Variants in RAB5A observed in about 807,000 individuals in gnomAD.
The protein encoded by RAB5A is ras-related protein Rab-5A.
RAB5A carries 8 observed loss-of-function variants against 25.7 expected under a neutral mutation model. The ratio of observed to expected loss-of-function variants is 0.31; its 90% CI spans 0.18 to 0.56. RAB5A has a LOEUF of 0.56. RAB5A is among the 20% of genes least tolerant of loss of function. The probability of loss-of-function intolerance (pLI) is 0.91; values close to 1 mark genes in which losing one functional copy is unlikely to be tolerated. For synonymous variants in RAB5A, 98 were observed against 89.8 expected, an observed-to-expected ratio of 1.09 and a Z score of -0.52; for missense variants, 192 against 259.7, an observed-to-expected ratio of 0.74 and a Z score of 1.79.
intron 4 of RAB5A, among the ~76,000 whole-genome samples, chr3:19,977,728 T>C (rs1180258057): frequency 1.3e-5 from 2 of 152,188 alleles, no homozygotes; most frequent in African/African-American, 2.4e-5. Flanking sequence ...GGAAAGATCA[T>C]TGGTTACCCC....
intron 2 of RAB5A, among the ~76,000 whole-genome samples, chr3:19,973,750 CA>C (rs1196567810): frequency 6.6e-6 from 1 of 152,006 alleles, no homozygotes; most frequent in Non-Finnish European, 1.5e-5. Context: ...GTATTGTTTG[CA>C]AAATTCAGAA....
chr3:19,966,700 C>G (rs757803545), intron 2 of RAB5A, among the ~76,000 whole-genome samples: 3 of 152,172 alleles, frequency 2.0e-5, no homozygotes, highest in Non-Finnish European at 2.9e-5. Context: ...TTGATCATAG[C>G]CATTCTAGTG....
At chr3:19,950,729 T>C in intron 1 of RAB5A, 77 bp from the exon 2 acceptor site, 1 of 585,148 alleles carries the variant, frequency 1.7e-6, no homozygotes, top group Non-Finnish European at 2.9e-6. Context: ...AATCATGCTA[T>C]AGGCAATATT....
intron 2 of RAB5A, among the ~76,000 whole-genome samples, chr3:19,952,750 A>AT (rs145938707): frequency 0.16 from 23,466 of 150,224 alleles, 1,979 homozygotes; most frequent in Non-Finnish European, 0.21. Flanking sequence ...CATCTTTGTG[A>AT]TTTTTTTTTT....
intron 2 of RAB5A, among the ~76,000 whole-genome samples, chr3:19,972,896 G>T (rs1000008923): frequency 2.6e-5 from 4 of 152,024 alleles, no homozygotes; most frequent in Admixed American, 1.3e-4. Context: ...TAATACAGTT[G>T]GCCCTCTGAA....
intron 2 of RAB5A, among the ~76,000 whole-genome samples, chr3:19,961,712 C>G (rs533848716): frequency 6.6e-6 from 1 of 152,264 alleles, no homozygotes; most frequent in East Asian, 1.9e-4. Context: ...AAATCTCCCC[C>G]TCATCTTCTA....
chr3:19,965,219 G>GC (rs977221498), intron 2 of RAB5A, among the ~76,000 whole-genome samples: 3 of 152,148 alleles, frequency 2.0e-5, no homozygotes, highest in African/African-American at 4.8e-5. Flanking sequence ...ACTGTGCCCG[G>GC]CCCTAAGATT....
rs535491947 is a variant in RAB5A at position 19,953,726 on chromosome 3, T to C, written c.163+2665T>C. 3.9e-5 allele frequency among the ~76,000 whole-genome samples: 6 copies of C among 152,234 alleles called. 1 individual carries two copies. Among genetic ancestry groups the C allele is most frequent in the African/African-American group, 1.4e-4 (6 of 41,552 alleles). ...CCTGGCCCAACTTTCTGTTAATCTT[T>C]ATTGGATACTTTTTCACTGTGCTGA... On this transcript the variant is annotated intron_variant, in intron 2 of 5. Coordinates refer to ENST00000273047, the MANE Select transcript of RAB5A (RefSeq NM_004162.5).
chr3:19,984,079 A>G lies in RAB5A; in HGVS notation c.*256A>G. ...TTGTTTCATTGGAAGGTTAGGGGGA[A>G]TAATTTCTCATCACTAGGAATATAG... On this transcript the variant is annotated 3_prime_UTR_variant, in exon 6 of 6. Transcript: ENST00000273047. 1 of 425,662 alleles carries G rather than the reference A, an allele frequency of 2.3e-6. No homozygotes were observed. Among genetic ancestry groups the G allele is most frequent in the Non-Finnish European group, 4.3e-6 (1 of 230,704 alleles). 26.4% of individuals were successfully genotyped at this position (425,662 alleles called of 1,614,324 possible).
intron 3 of RAB5A, 25 bp downstream of exon 3, chr3:19,975,777 AAAACT>A: frequency 1.3e-6 from 2 of 1,577,234 alleles, no homozygotes; most frequent in Non-Finnish European, 1.7e-6. Context: ...ATTCCACAGT[AAAACT>A]AATTTGAGTA....
At chr3:19,972,500 T>C (rs989478999) in intron 2 of RAB5A, among the ~76,000 whole-genome samples, 1 of 152,062 alleles carries the variant, frequency 6.6e-6, no homozygotes, top group Non-Finnish European at 1.5e-5. Context: ...AGTTGAGGAA[T>C]GAATTGATTA....
intron 2 of RAB5A, among the ~76,000 whole-genome samples, chr3:19,952,157 C>T (rs1696433709): frequency 6.6e-6 from 1 of 152,022 alleles, no homozygotes; most frequent in Non-Finnish European, 1.5e-5. Context: ...CTAGCCTGGG[C>T]AACATAATGA....
rs1266711210 is a variant in RAB5A, at chr3:19,947,515, G to A, written c.-100G>A. 1 of 152,796 alleles carries A rather than the reference G, an allele frequency of 6.5e-6. No individual in the cohort carries two copies. 9.5% of individuals were successfully genotyped at this position (152,796 alleles called of 1,614,324 possible). A position where few individuals can be genotyped will look rare whatever the true frequency, so the allele number is the denominator to read the frequency against. On this transcript the variant is annotated 5_prime_UTR_variant, in exon 1 of 6. Transcript: ENST00000273047. Reference sequence around the variant, plus strand: ...CGGCCCCGCAGCTCGGCTTGCTGCGGTCTCAGGTAACCGAACCGCCCCTCC... The same window carrying A: ...CGGCCCCGCAGCTCGGCTTGCTGCGATCTCAGGTAACCGAACCGCCCCTCC...
At position 19,954,831 on chromosome 3, in the gene RAB5A, A is replaced by G. The variant is rs142454146; in HGVS notation, c.163+3770A>G. Among the ~76,000 whole-genome samples the G allele has an allele frequency of 4.9e-3, 749 of 152,206 alleles. 3 individuals are homozygous for G. Among genetic ancestry groups the G allele is most frequent in the Non-Finnish European group, 7.7e-3 (527 of 68,010 alleles). On this transcript the variant is annotated intron_variant, in intron 2 of 5. Coordinates refer to ENST00000273047, the MANE Select transcript of RAB5A (RefSeq NM_004162.5). Reference sequence around the variant, plus strand: ...AACCCTGTCTCAAAAACAAAACAAAACAAAGAATCCCTGTTGCCTCACCAT... The same window carrying G: ...AACCCTGTCTCAAAAACAAAACAAAGCAAAGAATCCCTGTTGCCTCACCAT...
Position 19,976,062 on chromosome 3 carries a change from G to A in RAB5A, c.331G>A (p.Ala111Thr), listed in dbSNP as rs1184774975. The change falls in exon 4 of 6, where the codon GCA becomes ACA. Residue 111 changes from alanine to threonine, a missense_variant. Physicochemically the swap from Ala to Thr is moderately conservative, Grantham distance 58. Around this residue, in one of 3 missense-constraint regions of RAB5A, gnomAD observed 121 missense variants for 135.7 expected, o/e 0.89. Transcript: ENST00000273047. ...DITNEESFAR[A>T]KNWVKELQRQ... ...TGTTTAACAGGAGTCCTTTGCAAGA[G>A]CAAAAAATTGGGTTAAAGAACTTCA... 6.2e-7 allele frequency: 1 copy of A among 1,611,222 alleles called. No homozygotes were observed. The highest frequency in any genetic ancestry group is 8.5e-7 in the Non-Finnish European group (1 of 1,179,262).
chr3:19,948,721 A>T (rs1238774583), intron 1 of RAB5A, among the ~76,000 whole-genome samples: 1 of 152,024 alleles, frequency 6.6e-6, no homozygotes, highest in Non-Finnish European at 1.5e-5. Flanking sequence ...TTAAAAGTCA[A>T]AGTGAAATCA....
chr3:19,971,887 C>T (rs1243996736), intron 2 of RAB5A, among the ~76,000 whole-genome samples: 2 of 152,196 alleles, frequency 1.3e-5, no homozygotes, highest in African/African-American at 2.4e-5. Flanking sequence ...AGCTGCCTCT[C>T]TCTACATTCA....
At chr3:19,964,821 G>A (rs1465654525) in intron 2 of RAB5A, among the ~76,000 whole-genome samples, 3 of 151,666 alleles carry the variant, frequency 2.0e-5, no homozygotes, top group African/African-American at 4.8e-5. Flanking sequence ...CATGTTGGCC[G>A]GGCTGGTCTT....
chr3:19,978,422 T>C lies in RAB5A; in HGVS notation c.532+19T>C, dbSNP rs200716093. The C allele has an allele frequency of 1.1e-4, 165 of 1,523,016 alleles. No homozygotes were observed. The African/African-American group carries it at 2.1e-3, about 20-fold the overall frequency. The allele number at this position is 1,523,016 out of a possible 1,614,324, so 94.3% of individuals were successfully genotyped here. A position where few individuals can be genotyped will look rare whatever the true frequency, so the allele number is the denominator to read the frequency against. On this transcript the variant is annotated intron_variant, in intron 5 of 5. Transcript: ENST00000273047. The stretch of plus-strand genomic sequence containing the variant: ...GCAATAGGTAAGATTAATATCTCTT[T>C]TTAAATGATCAATATAAGCAAAACA...
Sources: gnomAD v4.1 joint callset for allele counts (sites outside exome capture counted in the v4.1 genomes callset) on GRCh38, gnomAD v4.1.1 for gene constraint, gnomAD v4.1.1 regional missense constraint, MANE v1.5 for transcripts, NCBI Gene and HGNC (gene_info 2026-07-23, HGNC 2026-07-21) for gene names.